The following NRCAM variants were observed in gnomAD, a reference collection of about 807,000 sequenced individuals.
The protein encoded by NRCAM is NgCAM-related cell adhesion molecule.
Under a neutral mutation model 156.5 loss-of-function variants are expected in NRCAM, and 83 were observed. That is an observed-to-expected ratio of 0.53 (90% CI 0.44 to 0.64). The LOEUF (loss-of-function observed/expected upper bound fraction) is 0.64. Ranked by LOEUF, NRCAM falls within the 30% of genes least tolerant of loss-of-function variation. NRCAM has a pLI of 0.00. For missense variants in NRCAM, 1,417 were observed against 1,597.3 expected, an observed-to-expected ratio of 0.89 and a Z score of 1.92; for synonymous variants, 538 against 563.9, an observed-to-expected ratio of 0.95 and a Z score of 0.65.
chr7:108,252,576 G>C (rs1049566672), intron 3 of NRCAM, among the ~76,000 whole-genome samples: 2 of 152,142 alleles, frequency 1.3e-5, no homozygotes, highest in East Asian at 1.9e-4. Context: ...GCTGCAGAAG[G>C]CCTGTTAATA....
Position 108,180,377 on chromosome 7 carries a change from A to T in NRCAM, c.2697T>A (p.Ile899=). The change falls in exon 25 of 33, where the codon ATT becomes ATA. Residue 899 remains isoleucine, a synonymous_variant. Coordinates refer to ENST00000379028, the MANE Select transcript of NRCAM (RefSeq NM_001037132.4). ...QSSSKRNRRH[I]EKKILTFQGS... is the part of the protein sequence containing the mutation. ...CTTGGAAGGTGAGGATCTTTTTCTC[A>T]ATGTGACGTCTGTTTCTTTTAGATG... The T allele has an allele frequency of 6.2e-7, 1 of 1,614,198 alleles. No individual in the cohort carries two copies.
At chr7:108,309,501 A>T (rs2098769584) in intron 3 of NRCAM, among the ~76,000 whole-genome samples, 1 of 152,174 alleles carries the variant, frequency 6.6e-6, no homozygotes, top group Non-Finnish European at 1.5e-5. Context: ...GGTATCAACT[A>T]AACTCAGCCT....
intron 1 of NRCAM, among the ~76,000 whole-genome samples, chr7:108,444,473 T>C (rs1299281478): frequency 6.6e-6 from 1 of 152,176 alleles, no homozygotes; most frequent in Non-Finnish European, 1.5e-5. Context: ...AAATGGAGGC[T>C]TACACAACAG....
intron 19 of NRCAM, among the ~76,000 whole-genome samples, chr7:108,190,172 T>G (rs2070261200): frequency 6.6e-6 from 1 of 152,190 alleles, no homozygotes; most frequent in Non-Finnish European, 1.5e-5. Flanking sequence ...AATTCAAATG[T>G]TCTTTCTAAA....
At chr7:108,441,828 G>A (rs1316818895) in intron 1 of NRCAM, among the ~76,000 whole-genome samples, 3 of 152,316 alleles carry the variant, frequency 2.0e-5, no homozygotes, top group African/African-American at 7.2e-5. Flanking sequence ...CATTTACATA[G>A]TGTCTATGAG....
At chr7:108,198,178 CATAA>C in intron 13 of NRCAM, 79 bp from the exon 14 acceptor site, 3 of 1,201,144 alleles carry the variant, frequency 2.5e-6, no homozygotes, top group Non-Finnish European at 3.5e-6. Flanking sequence ...GTCAGTAGGA[CATAA>C]ATAAAGACTG....
At chr7:108,335,020 T>C (rs1344684052) in intron 2 of NRCAM, among the ~76,000 whole-genome samples, 3 of 152,216 alleles carry the variant, frequency 2.0e-5, no homozygotes, top group Admixed American at 6.5e-5. Flanking sequence ...TTTACATCCA[T>C]TAATTAACAA....
chr7:108,249,851 T>C (rs866992613), intron 3 of NRCAM, among the ~76,000 whole-genome samples: 1 of 152,180 alleles, frequency 6.6e-6, no homozygotes, highest in Admixed American at 6.5e-5. Context: ...ATGGACTCCA[T>C]AGAAAGAATA....
At chr7:108,202,433 GGAGAT>G (rs1174161419) in intron 13 of NRCAM, among the ~76,000 whole-genome samples, 1 of 152,150 alleles carries the variant, frequency 6.6e-6, no homozygotes. Flanking sequence ...TATGCATTTT[GGAGAT>G]GAGAGACTAC....
chr7:108,283,415 G>C (rs1252337413), intron 3 of NRCAM, among the ~76,000 whole-genome samples: 1 of 152,232 alleles, frequency 6.6e-6, no homozygotes, highest in Non-Finnish European at 1.5e-5. Flanking sequence ...GAAAGGGAGA[G>C]ATGAATGCCA....
chr7:108,167,635 CACAA>C lies in NRCAM; in HGVS notation c.3314-566_3314-563del, dbSNP rs527489470. Among the ~76,000 whole-genome samples the C allele has an allele frequency of 1.3e-3, 193 of 152,254 alleles. 1 individual carries two copies. The highest frequency in any genetic ancestry group is 3.7e-3 in the East Asian group (19 of 5,178). The stretch of plus-strand genomic sequence containing the variant: ...AGTTGGACTCTGTTCAACATTTTGT[CACAA>C]ACATTTATTGGCCACCTCATTTGTT... On this transcript the variant is annotated intron_variant, in intron 29 of 32. Coordinates refer to ENST00000379028, the MANE Select transcript of NRCAM (RefSeq NM_001037132.4).
At chr7:108,177,559 C>G (rs1007798406) in intron 26 of NRCAM, among the ~76,000 whole-genome samples, 6 of 151,454 alleles carry the variant, frequency 4.0e-5, no homozygotes, top group Non-Finnish European at 7.4e-5. Flanking sequence ...GGAGATGGAG[C>G]TTGCAGTGAG....
intron 3 of NRCAM, among the ~76,000 whole-genome samples, chr7:108,299,837 G>T (rs954680969): frequency 6.6e-6 from 1 of 152,180 alleles, no homozygotes; most frequent in African/African-American, 2.4e-5. Context: ...TGAAGTACAT[G>T]AACTCTGGAA....
At chr7:108,408,459 T>G (rs763507204) in intron 1 of NRCAM, among the ~76,000 whole-genome samples, 4 of 152,250 alleles carry the variant, frequency 2.6e-5, no homozygotes, top group Non-Finnish European at 4.4e-5. Context: ...GCTGCTGAGC[T>G]GGGCACAGGC....
chr7:108,203,204 A>G (rs1240846104), intron 13 of NRCAM, among the ~76,000 whole-genome samples: 13 of 152,176 alleles, frequency 8.5e-5, no homozygotes, highest in Admixed American at 6.5e-4. Flanking sequence ...CCATTACACA[A>G]TAAAATTAAA....
chr7:108,362,297 G>A (rs772583215), intron 2 of NRCAM, among the ~76,000 whole-genome samples: 3 of 152,104 alleles, frequency 2.0e-5, no homozygotes, highest in Admixed American at 6.6e-5. Context: ...CATCGTGAGG[G>A]CCCTGTGTCA....
At chr7:108,270,971 T>A (rs1329902397) in intron 3 of NRCAM, among the ~76,000 whole-genome samples, 1 of 152,222 alleles carries the variant, frequency 6.6e-6, no homozygotes, top group African/African-American at 2.4e-5. Flanking sequence ...ACAAGGTGAA[T>A]ACACTTAATG....
intron 1 of NRCAM, among the ~76,000 whole-genome samples, chr7:108,407,142 T>G (rs1403148661): frequency 6.6e-6 from 1 of 152,204 alleles, no homozygotes; most frequent in Non-Finnish European, 1.5e-5. Context: ...TGTATTCACT[T>G]TTTTCAGAAT....
intron 3 of NRCAM, among the ~76,000 whole-genome samples, chr7:108,243,712 C>T (rs947843818): frequency 6.6e-6 from 1 of 152,010 alleles, no homozygotes; most frequent in Non-Finnish European, 1.5e-5. Context: ...AATAGATCAC[C>T]CTATTTAAAA....
Sources: allele counts gnomAD v4.1 joint callset (sites outside exome capture counted in the v4.1 genomes callset), GRCh38; gene constraint gnomAD v4.1.1; transcripts MANE v1.5; gene names NCBI Gene and HGNC (gene_info 2026-07-23, HGNC 2026-07-21).